Variants in ANKRD29 observed in about 807,000 individuals in gnomAD.
ANKRD29 encodes the protein ankyrin repeat domain 29.
Under a neutral mutation model 38.0 loss-of-function variants are expected in ANKRD29, and 32 were observed. That is an observed-to-expected ratio of 0.84 (90% confidence interval 0.64 to 1.13). The LOEUF is 1.13. Ranked by LOEUF, ANKRD29 falls within the 50% of genes most tolerant of loss-of-function variation. ANKRD29 has a pLI of 0.00. For synonymous variants in ANKRD29, 135 were observed against 152.4 expected, an observed-to-expected ratio of 0.89 and a Z score of 0.84; for missense variants, 357 against 377.9, an observed-to-expected ratio of 0.94 and a Z score of 0.46.
chr18:23,640,871 G>C (rs908789202), intron 3 of ANKRD29, among the ~76,000 whole-genome samples: 1 of 152,168 alleles, frequency 6.6e-6, no homozygotes, highest in Non-Finnish European at 1.5e-5. Context: ...TAAGATGGTA[G>C]GTCTCACTCA....
At chr18:23,661,361 C>T (rs1018573074) in intron 1 of ANKRD29, among the ~76,000 whole-genome samples, 2 of 152,164 alleles carry the variant, frequency 1.3e-5, no homozygotes, top group Non-Finnish European at 2.9e-5. Context: ...CCAAACCAAA[C>T]GTTTTATCTT....
chr18:23,637,208 T>C (rs1342464032), intron 4 of ANKRD29, among the ~76,000 whole-genome samples: 1 of 152,214 alleles, frequency 6.6e-6, no homozygotes, highest in Non-Finnish European at 1.5e-5. Context: ...TTTAGGTTCA[T>C]AGGACTTTAC....
rs185730702 is a variant in ANKRD29 at position 23,634,964 on chromosome 18, A to G, written c.331-815T>C. ...TCTGGGGCCATTGCCCTCATGGGAC[A>G]AGATCTGCTGCCATTAAAAGAGCGG... On this transcript the variant is annotated intron_variant, in intron 4 of 9. Transcript: ENST00000592179. 4.1e-3 allele frequency among the ~76,000 whole-genome samples: 628 copies of G among 152,340 alleles called. 4 individuals are homozygous for G. Among genetic ancestry groups the G allele is most frequent in the Non-Finnish European group, 6.3e-3 (432 of 68,040 alleles).
chr18:23,645,581 A>G (rs896042613), intron 3 of ANKRD29, among the ~76,000 whole-genome samples: 3 of 152,194 alleles, frequency 2.0e-5, no homozygotes, highest in African/African-American at 4.8e-5. Flanking sequence ...CTTAAAAAAA[A>G]GTCCCAGACT....
chr18:23,634,677 G>A (rs1348793845), intron 4 of ANKRD29, among the ~76,000 whole-genome samples: 2 of 152,086 alleles, frequency 1.3e-5, no homozygotes, highest in Non-Finnish European at 2.9e-5. Flanking sequence ...ATATGTGGGC[G>A]GCTTGCTAGA....
chr18:23,645,917 T>G (rs925365262), intron 3 of ANKRD29, among the ~76,000 whole-genome samples: 5 of 152,018 alleles, frequency 3.3e-5, no homozygotes, highest in African/African-American at 1.2e-4. Flanking sequence ...AATAAAGAAC[T>G]GATTTAAGCT....
At chr18:23,657,575 A>G (rs1017668817) in intron 1 of ANKRD29, among the ~76,000 whole-genome samples, 3 of 152,144 alleles carry the variant, frequency 2.0e-5, no homozygotes, top group Non-Finnish European at 4.4e-5. Context: ...CCCATCAACA[A>G]TCACTCGCCA....
intron 9 of ANKRD29, 101 bp downstream of exon 9, chr18:23,611,991 G>T: frequency 9.5e-7 from 1 of 1,056,392 alleles, no homozygotes; most frequent in South Asian, 1.5e-5. Flanking sequence ...ACTATGCAAA[G>T]AATGAAGATG....
Position 23,649,068 on chromosome 18 carries a change from A to G in ANKRD29, c.132+15T>C, listed in dbSNP as rs1472661963. On this transcript the variant is annotated intron_variant, in intron 2 of 9. Coordinates refer to ENST00000592179, the MANE Select transcript of ANKRD29 (RefSeq NM_173505.4). Reference sequence around the variant, plus strand: ...AATGGTGCATGCTGGGCATGCATCTACCGAACCACCGTACGCTGTCTCTGC... The same window carrying G: ...AATGGTGCATGCTGGGCATGCATCTGCCGAACCACCGTACGCTGTCTCTGC... 1 of 1,610,814 alleles carries G rather than the reference A, an allele frequency of 6.2e-7. No individual in the cohort carries two copies. The highest frequency in any genetic ancestry group is 8.5e-7 in the Non-Finnish European group (1 of 1,178,102).
intron 8 of ANKRD29, among the ~76,000 whole-genome samples, chr18:23,615,943 A>ATATATATATGTAT (rs113353389): frequency 0.021 from 2,915 of 141,002 alleles, 122 homozygotes; most frequent in South Asian, 0.075. Context: ...TATAGTATAT[A>ATATATATATGTAT]ATATATACAT....
At chr18:23,617,931 C>T (rs1028194989) in intron 7 of ANKRD29, 104 bp from the exon 8 acceptor site, 14 of 830,002 alleles carry the variant, frequency 1.7e-5, no homozygotes, top group Non-Finnish European at 1.8e-5. Flanking sequence ...AAACTAATGA[C>T]GTGTAAATTA....
intron 6 of ANKRD29, among the ~76,000 whole-genome samples, chr18:23,625,271 G>A (rs1041702935): frequency 2.0e-5 from 3 of 152,138 alleles, no homozygotes; most frequent in Admixed American, 2.0e-4. Flanking sequence ...GATTTTACCA[G>A]ATGCTGCATT....
intron 4 of ANKRD29, among the ~76,000 whole-genome samples, chr18:23,636,341 T>C (rs1383486452): frequency 6.6e-6 from 1 of 152,176 alleles, no homozygotes; most frequent in East Asian, 1.9e-4. Context: ...GGTCTTGCTA[T>C]GTGGCCCAAG....
At position 23,610,199 on chromosome 18, in the gene ANKRD29, T is replaced by C. The variant is rs11875157; in HGVS notation, c.822+1893A>G. Among the ~76,000 whole-genome samples the C allele has an allele frequency of 7.8e-3, 1,188 of 152,294 alleles. 14 individuals carry two copies. The highest frequency in any genetic ancestry group is 0.023 in the African/African-American group (957 of 41,578). On this transcript the variant is annotated intron_variant, in intron 9 of 9. Coordinates refer to ENST00000592179, the MANE Select transcript of ANKRD29 (RefSeq NM_173505.4). ...CCTCCAAAAGTTTGTAGTTTATGGC[T>C]GGGCGCAGTGGCTCACGCCTGTAAT...
chr18:23,662,819 G>T lies in ANKRD29; in HGVS notation c.-89C>A. 2.5e-6 allele frequency: 3 copies of T among 1,187,778 alleles called. No homozygotes were observed. Among genetic ancestry groups the T allele is most frequent in the Non-Finnish European group, 3.2e-6 (3 of 950,392 alleles). The allele number at this position is 1,187,778 out of a possible 1,614,324, so 73.6% of individuals were successfully genotyped here. On this transcript the variant is annotated 5_prime_UTR_variant, in exon 1 of 10. Transcript: ENST00000592179. ...CCTTCACTCTCCCGGGGCTCTCGGCGTTCCGCAGAGGGGCGGCCTCCGACG... is the reference window on the plus strand; with the variant it reads ...CCTTCACTCTCCCGGGGCTCTCGGCTTTCCGCAGAGGGGCGGCCTCCGACG...
chr18:23,659,152 T>C (rs1276826653), intron 1 of ANKRD29, among the ~76,000 whole-genome samples: 1 of 152,130 alleles, frequency 6.6e-6, no homozygotes. Context: ...CAGCTAATTT[T>C]TGTATTTTTA....
intron 6 of ANKRD29, among the ~76,000 whole-genome samples, chr18:23,626,476 A>T (rs1424141450): frequency 1.3e-5 from 2 of 151,818 alleles, no homozygotes; most frequent in Non-Finnish European, 2.9e-5. Context: ...GCTAGTGATT[A>T]AAAAGGTCTG....
chr18:23,625,859 T>C (rs967882495), intron 6 of ANKRD29, among the ~76,000 whole-genome samples: 3 of 152,208 alleles, frequency 2.0e-5, no homozygotes, highest in African/African-American at 7.2e-5. Flanking sequence ...AGCTGCCTCT[T>C]ACAGTCTTCC....
At chr18:23,657,796 A>G (rs1390307829) in intron 1 of ANKRD29, among the ~76,000 whole-genome samples, 1 of 152,188 alleles carries the variant, frequency 6.6e-6, no homozygotes, top group Non-Finnish European at 1.5e-5. Flanking sequence ...AGTCCATTGT[A>G]CAGATTACCA....
Sources: allele counts gnomAD v4.1 joint callset (sites outside exome capture counted in the v4.1 genomes callset), GRCh38; gene constraint gnomAD v4.1.1; transcripts MANE v1.5; gene names NCBI Gene and HGNC (gene_info 2026-07-23, HGNC 2026-07-21).